MARCHF1: variants seen among roughly 807,000 people sequenced by gnomAD.
The protein encoded by MARCHF1 is E3 ubiquitin-protein ligase MARCHF1.
A neutral mutation model predicts 54.2 loss-of-function variants in MARCHF1; 40 were observed. The observed-to-expected ratio is 0.74, with a 90% CI of 0.57 to 0.96. The LOEUF (loss-of-function observed/expected upper bound fraction) is 0.96, where lower values mean the gene tolerates loss of function less well. Among genes scored for constraint, MARCHF1 ranks in the 40% least tolerant of loss-of-function variants. The pLI is 0.00. For synonymous variants in MARCHF1, 236 were observed against 236.3 expected, an observed-to-expected ratio of 1.00 and a Z score of 0.01; for missense variants, 586 against 656.5, an observed-to-expected ratio of 0.89 and a Z score of 1.17.
At chr4:164,222,997 G>A (rs188003560) in intron 1 of MARCHF1, among the ~76,000 whole-genome samples, 1 of 151,968 alleles carries the variant, frequency 6.6e-6, no homozygotes, top group Non-Finnish European at 1.5e-5. Flanking sequence ...TTCTTAAACG[G>A]CAGCAGGGAA....
intron 1 of MARCHF1, among the ~76,000 whole-genome samples, chr4:164,272,083 T>A (rs576148494): frequency 6.6e-6 from 1 of 152,062 alleles, no homozygotes; most frequent in South Asian, 2.1e-4. Context: ...CCTGAGATGC[T>A]TTTTACATCC....
Position 163,908,979 on chromosome 4 carries a change from C to T in MARCHF1, c.-38-54810G>A, listed in dbSNP as rs139893502. ...GGACTTTCAGTAATAAAATCAAGAGCCCCAAGCAGGCCAAGAGGTAAAAAT... is the reference window on the plus strand; with the variant it reads ...GGACTTTCAGTAATAAAATCAAGAGTCCCAAGCAGGCCAAGAGGTAAAAAT... On this transcript the variant is annotated intron_variant, in intron 3 of 9. Transcript: ENST00000514618. Among the ~76,000 whole-genome samples the T allele has an allele frequency of 8.5e-5, 13 of 152,090 alleles. 1 individual carries two copies. The East Asian group carries it at 2.5e-3, about 29-fold the overall frequency.
intron 1 of MARCHF1, among the ~76,000 whole-genome samples, chr4:164,241,471 T>C (rs1440923844): frequency 6.6e-6 from 1 of 152,198 alleles, no homozygotes; most frequent in Non-Finnish European, 1.5e-5. Flanking sequence ...TGACAATAGT[T>C]TGCCTTCCCT....
At chr4:164,356,617 G>T (rs1730546796) in intron 1 of MARCHF1, among the ~76,000 whole-genome samples, 1 of 141,142 alleles carries the variant, frequency 7.1e-6, no homozygotes, top group South Asian at 2.3e-4. Flanking sequence ...CTGTGGTGGG[G>T]TGGGGGGAGT....
intron 4 of MARCHF1, among the ~76,000 whole-genome samples, chr4:163,744,198 G>A (rs1215279439): frequency 6.6e-6 from 1 of 152,180 alleles, no homozygotes; most frequent in Non-Finnish European, 1.5e-5. Flanking sequence ...AGGTTTCCAA[G>A]GACCCACTGG....
At chr4:163,932,549 G>GA (rs764509017) in intron 3 of MARCHF1, 6 of 358,588 alleles carry the variant, frequency 1.7e-5, no homozygotes, top group Non-Finnish European at 3.3e-5. Context: ...AGCTGATCCA[G>GA]AAGGCTAAGC....
intron 4 of MARCHF1, among the ~76,000 whole-genome samples, chr4:163,720,486 G>T (rs1745413122): frequency 1.3e-5 from 2 of 152,076 alleles, no homozygotes; most frequent in East Asian, 1.9e-4. Context: ...TGTTCTTTTG[G>T]CTTAAGATTG....
At chr4:163,678,994 T>C (rs114413342) in intron 5 of MARCHF1, among the ~76,000 whole-genome samples, 99 of 152,346 alleles carry the variant, frequency 6.5e-4, no homozygotes, top group African/African-American at 2.4e-3. Flanking sequence ...ACGAGATGTA[T>C]ACTTTGGGCA....
intron 3 of MARCHF1, among the ~76,000 whole-genome samples, chr4:163,905,220 G>T (rs1487502655): frequency 6.6e-6 from 1 of 151,990 alleles, no homozygotes; most frequent in Non-Finnish European, 1.5e-5. Context: ...GAGACAAAAA[G>T]TGAAGAAAAT....
intron 1 of MARCHF1, among the ~76,000 whole-genome samples, chr4:164,356,780 C>CAAAAAAAAAAAAAAAAAAAAAGCA (rs58855405): frequency 5.8e-5 from 6 of 103,262 alleles, no homozygotes; most frequent in African/African-American, 2.1e-4. Flanking sequence ...AAAAGAAAAG[C>CAAAAAAAAAAAAAAAAAAAAAGCA]AAAAAAAAAA....
At chr4:164,041,212 AT>A (rs1754121850) in intron 2 of MARCHF1, among the ~76,000 whole-genome samples, 1 of 152,104 alleles carries the variant, frequency 6.6e-6, no homozygotes, top group Non-Finnish European at 1.5e-5. Context: ...CGAACAAAAT[AT>A]TTTTTATAGG....
At chr4:163,914,994 G>A (rs1008004485) in intron 3 of MARCHF1, among the ~76,000 whole-genome samples, 4 of 150,640 alleles carry the variant, frequency 2.7e-5, no homozygotes, top group African/African-American at 1.0e-4. Flanking sequence ...AAATAGGCAG[G>A]GGACAGATCC....
At chr4:163,770,562 A>G (rs1199810715) in intron 4 of MARCHF1, among the ~76,000 whole-genome samples, 2 of 148,286 alleles carry the variant, frequency 1.3e-5, no homozygotes, top group South Asian at 4.3e-4. Context: ...ACACACACAC[A>G]CAAACACACA....
chr4:163,888,882 A>G (rs2111263326), intron 3 of MARCHF1, among the ~76,000 whole-genome samples: 2 of 152,216 alleles, frequency 1.3e-5, no homozygotes, highest in Middle Eastern at 3.4e-3. Flanking sequence ...TAATTTCTAC[A>G]CTAGTGCCAG....
chr4:163,565,719 G>A (rs1484149888), intron 8 of MARCHF1, among the ~76,000 whole-genome samples: 1 of 152,156 alleles, frequency 6.6e-6, no homozygotes, highest in South Asian at 2.1e-4. Context: ...AGGATTCCAG[G>A]AGTTCTTGCA....
intron 1 of MARCHF1, among the ~76,000 whole-genome samples, chr4:164,214,951 G>A (rs955021250): frequency 6.6e-6 from 1 of 152,134 alleles, no homozygotes; most frequent in Non-Finnish European, 1.5e-5. Context: ...ACCTCAGATG[G>A]GCAGGCTGTG....
chr4:163,736,064 T>C lies in MARCHF1; in HGVS notation c.112-35201A>G, dbSNP rs115855569. 4.3e-3 allele frequency among the ~76,000 whole-genome samples: 651 copies of C among 152,308 alleles called. 16 individuals carry two copies. The highest frequency in any genetic ancestry group is 0.015 in the African/African-American group (628 of 41,574). ...TTATAACAATATGCTGTTCACAATT[T>C]CATGGATAGAAGATTTATTCTTACC... On this transcript the variant is annotated intron_variant, in intron 4 of 9. Coordinates refer to ENST00000514618, the MANE Select transcript of MARCHF1 (RefSeq NM_001394959.1).
chr4:163,721,001 C>G (rs1238653710), intron 4 of MARCHF1, among the ~76,000 whole-genome samples: 3 of 152,132 alleles, frequency 2.0e-5, no homozygotes, highest in Non-Finnish European at 2.9e-5. Flanking sequence ...TCCTCTTTTC[C>G]TAATTGAATA....
At chr4:163,937,093 T>G (rs759483692) in intron 3 of MARCHF1, among the ~76,000 whole-genome samples, 15 of 152,220 alleles carry the variant, frequency 9.9e-5, no homozygotes, top group Non-Finnish European at 2.1e-4. Flanking sequence ...TAATTTATAC[T>G]TGTCTAGTGA....
Sources: gnomAD v4.1 joint callset for allele counts (sites outside exome capture counted in the v4.1 genomes callset) on GRCh38, gnomAD v4.1.1 for gene constraint, MANE v1.5 for transcripts, NCBI Gene and HGNC (gene_info 2026-07-23, HGNC 2026-07-21) for gene names.